Variants in STX8 observed in about 807,000 individuals in gnomAD.
The protein encoded by STX8 is syntaxin 8.
Under a neutral mutation model 37.5 loss-of-function variants are expected in STX8, and 23 were observed. The ratio of observed to expected loss-of-function variants is 0.61; its 90% CI spans 0.44 to 0.87. STX8 has a LOEUF of 0.87. Ranked by LOEUF, STX8 falls within the 40% of genes least tolerant of loss-of-function variation. STX8 has a pLI of 0.00. For synonymous variants in STX8, 115 were observed against 99.1 expected (o/e 1.16, Z -0.95); for missense variants, 313 against 284.7 (o/e 1.10, Z -0.71).
At chr17:9,340,649 A>ATTTTTTTTTTT (rs66679333) in intron 7 of STX8, among the ~76,000 whole-genome samples, 15 of 62,108 alleles carry the variant, frequency 2.4e-4, no homozygotes, top group East Asian at 6.1e-4. Context: ...GTTGCACTTG[A>ATTTTTTTTTTT]TTTTTTTTTT....
intron 6 of STX8, among the ~76,000 whole-genome samples, chr17:9,393,942 T>C (rs1345179132): frequency 6.6e-6 from 1 of 152,110 alleles, no homozygotes; most frequent in Non-Finnish European, 1.5e-5. Context: ...GTGTAAAAAT[T>C]CACAGAACAA....
At chr17:9,501,947 C>T (rs528662851) in intron 5 of STX8, among the ~76,000 whole-genome samples, 25 of 152,124 alleles carry the variant, frequency 1.6e-4, no homozygotes, top group South Asian at 1.2e-3. Context: ...CCAGCCTGGG[C>T]GACAGAGCAA....
intron 7 of STX8, among the ~76,000 whole-genome samples, chr17:9,325,901 G>A (rs1299185772): frequency 1.3e-5 from 2 of 152,210 alleles, no homozygotes; most frequent in African/African-American, 2.4e-5. Flanking sequence ...TATGAAAGGA[G>A]AGTGGAAAAT....
rs1906742524 is a variant in STX8, at chr17:9,255,213, AG to A, written c.644-4569del. Among the ~76,000 whole-genome samples, 5 of 152,160 alleles carry A rather than the reference AG, an allele frequency of 3.3e-5. No homozygotes were observed. The South Asian group carries it at 1.0e-3, about 31-fold the overall frequency. ...AACTGTGCCCCAGGAAAGGCATGAC[AG>A]GGCACACATTATCTATAAAAAATGA... On this transcript the variant is annotated intron_variant, in intron 7 of 7. Coordinates refer to ENST00000306357, the MANE Select transcript of STX8 (RefSeq NM_004853.3).
intron 6 of STX8, among the ~76,000 whole-genome samples, chr17:9,447,108 A>G (rs1904877967): frequency 6.6e-6 from 1 of 152,168 alleles, no homozygotes; most frequent in African/African-American, 2.4e-5. Context: ...CAGGAAAACC[A>G]ATTTATTGTT....
At chr17:9,326,866 T>C (rs1909770410) in intron 7 of STX8, among the ~76,000 whole-genome samples, 1 of 152,146 alleles carries the variant, frequency 6.6e-6, no homozygotes, top group Admixed American at 6.5e-5. Context: ...CCTTCAAAAA[T>C]GAAGATCTAA....
At chr17:9,558,370 C>T (rs554037443) in intron 2 of STX8, among the ~76,000 whole-genome samples, 1 of 152,154 alleles carries the variant, frequency 6.6e-6, no homozygotes, top group African/African-American at 2.4e-5. Context: ...CCAAGGAAAA[C>T]CAGCCAGTGT....
chr17:9,562,857 A>G (rs1215104699), intron 2 of STX8, among the ~76,000 whole-genome samples: 1 of 152,126 alleles, frequency 6.6e-6, no homozygotes, highest in African/African-American at 2.4e-5. Context: ...TCAGGTTAAA[A>G]AAAAAATTAC....
chr17:9,257,170 T>C (rs560758898), intron 7 of STX8, among the ~76,000 whole-genome samples: 12 of 152,286 alleles, frequency 7.9e-5, no homozygotes, highest in African/African-American at 2.9e-4. Flanking sequence ...AATGTCCATT[T>C]CCTTTGGTCA....
chr17:9,450,580 G>A (rs1276974792), intron 6 of STX8, among the ~76,000 whole-genome samples: 2 of 151,888 alleles, frequency 1.3e-5, no homozygotes, highest in Non-Finnish European at 2.9e-5. Flanking sequence ...GAAGCATGCA[G>A]CTGCGCCTGA....
chr17:9,553,241 G>C (rs1453319392), intron 3 of STX8: 1 of 152,156 alleles, frequency 6.6e-6, no homozygotes, highest in South Asian at 2.1e-4. Flanking sequence ...CAGATGTTAA[G>C]GTCTTTCAGA....
intron 7 of STX8, among the ~76,000 whole-genome samples, chr17:9,311,875 T>G (rs1368461096): frequency 6.6e-6 from 1 of 151,826 alleles, no homozygotes; most frequent in Non-Finnish European, 1.5e-5. Context: ...TGAGACGGAG[T>G]CTTGCTCTGT....
At chr17:9,360,641 G>GTAA (rs1911031405) in intron 7 of STX8, among the ~76,000 whole-genome samples, 1 of 75,978 alleles carries the variant, frequency 1.3e-5, no homozygotes, top group Non-Finnish European at 2.8e-5. Flanking sequence ...CTGTCTGCAA[G>GTAA]AAAAAAAATA....
chr17:9,291,968 T>C (rs1908326653), intron 7 of STX8, among the ~76,000 whole-genome samples: 1 of 152,264 alleles, frequency 6.6e-6, no homozygotes, highest in African/African-American at 2.4e-5. Flanking sequence ...AAGTTCTCTT[T>C]CAAATCCTCC....
intron 6 of STX8, among the ~76,000 whole-genome samples, chr17:9,445,979 G>A (rs1248847109): frequency 6.6e-6 from 1 of 151,726 alleles, no homozygotes; most frequent in Non-Finnish European, 1.5e-5. Context: ...GGGACTACAG[G>A]CGCCTGCCAC....
At chr17:9,465,940 A>C (rs1212726594) in intron 6 of STX8, among the ~76,000 whole-genome samples, 1 of 152,014 alleles carries the variant, frequency 6.6e-6, no homozygotes, top group East Asian at 1.9e-4. Context: ...CTGATTCCAA[A>C]GCCCTTGTTT....
At chr17:9,506,535 A>C (rs1410585811) in intron 4 of STX8, among the ~76,000 whole-genome samples, 1 of 151,724 alleles carries the variant, frequency 6.6e-6, no homozygotes, top group African/African-American at 2.4e-5. Flanking sequence ...TGGTGACTGA[A>C]AGTCTAGGAG....
At chr17:9,362,836 A>T (rs1257239982) in intron 7 of STX8, among the ~76,000 whole-genome samples, 15 of 106,884 alleles carry the variant, frequency 1.4e-4, no homozygotes, top group Admixed American at 6.5e-4. Flanking sequence ...CTCAAAAAAA[A>T]AAAAAAATAA....
chr17:9,446,684 A>G (rs1354882767), intron 6 of STX8, among the ~76,000 whole-genome samples: 1 of 152,226 alleles, frequency 6.6e-6, no homozygotes, highest in Non-Finnish European at 1.5e-5. Flanking sequence ...AGCAGTTTCC[A>G]GAGAGTTGCA....
Sources: allele counts gnomAD v4.1 joint callset (sites outside exome capture counted in the v4.1 genomes callset), GRCh38; gene constraint gnomAD v4.1.1; transcripts MANE v1.5; gene names NCBI Gene and HGNC (gene_info 2026-07-23, HGNC 2026-07-21).